The following QRFPR variants were observed in gnomAD, a reference collection of about 807,000 sequenced individuals.
QRFPR encodes the protein pyroglutamylated RF-amide peptide receptor.
QRFPR carries 37 observed loss-of-function variants against 31.3 expected under a neutral mutation model. The ratio of observed to expected loss-of-function variants is 1.18; its 90% CI spans 0.91 to 1.56. The LOEUF is 1.56. QRFPR is among the 40% of genes most tolerant of loss of function. The pLI is 0.00. For synonymous variants in QRFPR, 197 were observed against 192.0 expected (o/e 1.03, Z -0.22); for missense variants, 542 against 532.5 (o/e 1.02, Z -0.18).
At chr4:121,369,026 CTTTA>C (rs1029760652) in intron 1 of QRFPR, among the ~76,000 whole-genome samples, 2 of 152,026 alleles carry the variant, frequency 1.3e-5, no homozygotes, top group African/African-American at 4.8e-5. Context: ...AGGTTTTTTA[CTTTA>C]TTTATTTATT....
At chr4:121,377,542 T>G (rs763069124) in intron 1 of QRFPR, among the ~76,000 whole-genome samples, 16 of 151,972 alleles carry the variant, frequency 1.1e-4, no homozygotes, top group Non-Finnish European at 2.2e-4. Context: ...CTTTCTTCCC[T>G]CCAACTTGGC....
At chr4:121,368,395 C>G (rs1457753692) in intron 1 of QRFPR, among the ~76,000 whole-genome samples, 2 of 150,360 alleles carry the variant, frequency 1.3e-5, no homozygotes, top group Non-Finnish European at 3.0e-5. Context: ...TCTTAGGAAG[C>G]TTTTAACCAA....
chr4:121,380,332 T>A lies in QRFPR; in HGVS notation c.316A>T (p.Asn106Tyr). 1 of 1,613,368 alleles carries A rather than the reference T, an allele frequency of 6.2e-7. No individual in the cohort carries two copies. Among genetic ancestry groups the A allele is most frequent in the Non-Finnish European group, 8.5e-7 (1 of 1,179,834 alleles). Residue 106 changes from asparagine (N) to tyrosine (Y), a missense_variant, in exon 1 of 6, where the codon AAC (asparagine) becomes TAC (tyrosine). Transcript: ENST00000394427. ...CCCCCCAGCCAGTTGTCGGAAATGT[T>A]CTGGAGCATGGTGACGGGAATGCAG... is the stretch of plus-strand genomic sequence containing the variant. ...FFCIPVTMLQ[N>Y]ISDNWLGGAF...
At chr4:121,335,841 A>C (rs182099299) in intron 3 of QRFPR, among the ~76,000 whole-genome samples, 291 of 152,272 alleles carry the variant, frequency 1.9e-3, no homozygotes, top group African/African-American at 6.7e-3. Context: ...TGACTGGAAG[A>C]GTTGCTCAAG....
At chr4:121,340,347 C>T (rs1226520726) in intron 2 of QRFPR, 105 bp downstream of exon 2, 2 of 1,241,036 alleles carry the variant, frequency 1.6e-6, no homozygotes, top group Non-Finnish European at 2.3e-6. Context: ...ATTCCAATGC[C>T]TACAAGTTAG....
intron 2 of QRFPR, among the ~76,000 whole-genome samples, chr4:121,339,969 A>AG (rs1292495838): frequency 5.3e-5 from 8 of 151,354 alleles, no homozygotes; most frequent in Admixed American, 3.3e-4. Flanking sequence ...AGAAAAAAAA[A>AG]TCGACCTGCC....
rs1166834266 is a variant in QRFPR, at chr4:121,329,414, T to C, written c.1196A>G (p.Lys399Arg). The C allele has an allele frequency of 1.2e-6, 2 of 1,614,138 alleles. No individual in the cohort carries two copies. Among genetic ancestry groups the C allele is most frequent in the East Asian group, 2.2e-5 (1 of 44,864 alleles). ...CTTCTCCTCTGTCTGTTCACACAAT[T>C]TGACTTCAATGTTGCCATCACTGAA... The part of the protein sequence containing the change: ...EAFSDGNIEV[K>R]LCEQTEEKKK... Residue 399 changes from lysine to arginine, a missense_variant, in exon 6 of 6, where the codon AAA (lysine) becomes AGA (arginine). By Grantham distance (26) the Lys-to-Arg change is conservative. Coordinates refer to ENST00000394427, the MANE Select transcript of QRFPR (RefSeq NM_198179.3).
intron 1 of QRFPR, among the ~76,000 whole-genome samples, chr4:121,359,033 G>A (rs1725927647): frequency 6.6e-6 from 1 of 152,168 alleles, no homozygotes; most frequent in Non-Finnish European, 1.5e-5. Context: ...TGGCTCCAGA[G>A]TCTGTGTTTG....
At chr4:121,330,401 T>C (rs752536117) in intron 5 of QRFPR, 25 bp downstream of exon 5, 1 of 1,466,488 alleles carries the variant, frequency 6.8e-7, no homozygotes, top group Non-Finnish European at 9.5e-7. Flanking sequence ...AGAATGTCTA[T>C]CAAATGAGAA....
intron 1 of QRFPR, among the ~76,000 whole-genome samples, chr4:121,360,643 A>G (rs924080479): frequency 6.6e-6 from 1 of 152,210 alleles, no homozygotes; most frequent in African/African-American, 2.4e-5. Context: ...TCCATTTTGT[A>G]AAACTGCTAA....
At chr4:121,359,698 T>A (rs1423357632) in intron 1 of QRFPR, among the ~76,000 whole-genome samples, 1 of 151,568 alleles carries the variant, frequency 6.6e-6, no homozygotes, top group Non-Finnish European at 1.5e-5. Flanking sequence ...TGTATATATG[T>A]GTGTATGTGT....
intron 1 of QRFPR, among the ~76,000 whole-genome samples, chr4:121,344,878 T>C (rs1725613906): frequency 6.6e-6 from 1 of 152,238 alleles, no homozygotes. Flanking sequence ...TGTAAGAATG[T>C]GTCTTTTGTG....
rs1225602760 is a variant in QRFPR at position 121,380,909 on chromosome 4, A to G, written c.-262T>C. ...AGTGACCAAAAAATGTTCGCGGTTC[A>G]AATAAAGTTCTTCCCTTGCTCTTCC... On this transcript the variant is annotated 5_prime_UTR_variant, in exon 1 of 6. Transcript: ENST00000394427. 1.0e-5 allele frequency: 5 copies of G among 482,610 alleles called. No homozygotes were observed. The highest frequency in any genetic ancestry group is 1.8e-5 in the Non-Finnish European group (5 of 275,044). The allele number at this position is 482,610 out of a possible 1,614,324, so 29.9% of individuals were successfully genotyped here.
chr4:121,345,825 A>G (rs975853153), intron 1 of QRFPR, among the ~76,000 whole-genome samples: 2 of 152,182 alleles, frequency 1.3e-5, no homozygotes, highest in African/African-American at 4.8e-5. Flanking sequence ...TCTTAATTCA[A>G]AGAGAAACAA....
At chr4:121,362,854 A>G (rs960103187) in intron 1 of QRFPR, among the ~76,000 whole-genome samples, 1 of 150,474 alleles carries the variant, frequency 6.6e-6, no homozygotes, top group African/African-American at 2.5e-5. Context: ...TTAGATAACT[A>G]ACCATACTTA....
intron 1 of QRFPR, among the ~76,000 whole-genome samples, chr4:121,354,531 G>A (rs1290638922): frequency 6.6e-6 from 1 of 151,652 alleles, no homozygotes; most frequent in Non-Finnish European, 1.5e-5. Flanking sequence ...TTTTCAATTT[G>A]GATGTCATTT....
At position 121,348,668 on chromosome 4, in the gene QRFPR, A is replaced by C. The variant is rs1415418083; in HGVS notation, c.341-8058T>G. ...AGCTCTTTACATTCTTATATATCTT[A>C]AAATGGCTGTAGTTTGACTTAAATT... On this transcript the variant is annotated intron_variant, in intron 1 of 5. Transcript: ENST00000394427. Among the ~76,000 whole-genome samples, 3 of 152,222 alleles carry C rather than the reference A, an allele frequency of 2.0e-5. No individual in the cohort carries two copies. The East Asian group carries it at 5.8e-4, about 29-fold the overall frequency.
At chr4:121,349,293 C>T (rs1725719868) in intron 1 of QRFPR, among the ~76,000 whole-genome samples, 1 of 151,930 alleles carries the variant, frequency 6.6e-6, no homozygotes, top group African/African-American at 2.4e-5. Flanking sequence ...CAGTCCTTTA[C>T]CTCTGTGTTT....
chr4:121,369,357 T>C, intron 1 of QRFPR: 1 of 650,270 alleles, frequency 1.5e-6, no homozygotes, highest in Non-Finnish European at 2.7e-6. Flanking sequence ...ACCTTTCCTA[T>C]GTCAAAGCCA....
Sources: allele counts gnomAD v4.1 joint callset (sites outside exome capture counted in the v4.1 genomes callset), GRCh38; gene constraint gnomAD v4.1.1; transcripts MANE v1.5; gene names NCBI Gene and HGNC (gene_info 2026-07-23, HGNC 2026-07-21).